RNF220: variants seen among roughly 807,000 people sequenced by gnomAD.
The protein encoded by RNF220 is ring finger protein 220, also known as E3 ubiquitin-protein ligase RNF220.
In RNF220, 7 loss-of-function variants were observed where a neutral mutation model predicts 67.1. The observed-to-expected ratio is 0.10, with a 90% confidence interval of 0.06 to 0.20. RNF220 has a LOEUF of 0.20. RNF220 is among the 10% of genes least tolerant of loss of function. The pLI is 1.00. For missense variants in RNF220, 565 were observed against 740.3 expected (o/e 0.76, Z 2.75); for synonymous variants, 270 against 283.2 (o/e 0.95, Z 0.47).
intron 2 of RNF220, among the ~76,000 whole-genome samples, chr1:44,447,072 T>A (rs1314558895): frequency 6.6e-6 from 1 of 152,240 alleles, no homozygotes; most frequent in Non-Finnish European, 1.5e-5. Context: ...TGCTCCACAT[T>A]TTATTTCCTA....
intron 2 of RNF220, among the ~76,000 whole-genome samples, chr1:44,507,957 A>C (rs1220729558): frequency 1.3e-5 from 2 of 151,376 alleles, no homozygotes; most frequent in African/African-American, 4.9e-5. Context: ...GAGGCGATGG[A>C]GTGGTGGAGA....
chr1:44,596,953 C>T (rs561023525), intron 2 of RNF220, among the ~76,000 whole-genome samples: 1 of 152,278 alleles, frequency 6.6e-6, no homozygotes, highest in Admixed American at 6.5e-5. Flanking sequence ...AATACTATGG[C>T]TCAGCTGTGA....
At chr1:44,576,197 T>C (rs1056588342) in intron 2 of RNF220, among the ~76,000 whole-genome samples, 1 of 152,262 alleles carries the variant, frequency 6.6e-6, no homozygotes, top group Non-Finnish European at 1.5e-5. Context: ...CACATAATTT[T>C]CTTTGATCCT....
At chr1:44,614,075 C>T in intron 2 of RNF220, 90 bp from the exon 3 acceptor site, 1 of 1,558,372 alleles carries the variant, frequency 6.4e-7, no homozygotes, top group East Asian at 2.3e-5. Flanking sequence ...TAGAGGGCAG[C>T]AGCAGGCTTG....
intron 2 of RNF220, among the ~76,000 whole-genome samples, chr1:44,566,340 C>A (rs894046757): frequency 1.1e-4 from 16 of 152,076 alleles, no homozygotes; most frequent in African/African-American, 2.7e-4. Context: ...GAGGTGGGTA[C>A]CCAGGGGAGC....
At chr1:44,520,366 T>C (rs1009159065) in intron 2 of RNF220, among the ~76,000 whole-genome samples, 1 of 152,014 alleles carries the variant, frequency 6.6e-6, no homozygotes, top group African/African-American at 2.4e-5. Context: ...CTTGGGAGGC[T>C]GAGGCAGGAG....
At chr1:44,481,610 C>T (rs746172864) in intron 2 of RNF220, among the ~76,000 whole-genome samples, 1 of 152,082 alleles carries the variant, frequency 6.6e-6, no homozygotes, top group Non-Finnish European at 1.5e-5. Context: ...CACACATACA[C>T]CTATGGAACA....
intron 2 of RNF220, among the ~76,000 whole-genome samples, chr1:44,461,924 G>GTTTTTTTTTTTTTTTTTTTT (rs201661366): frequency 8.1e-6 from 1 of 123,562 alleles, no homozygotes; most frequent in Admixed American, 8.4e-5. Flanking sequence ...TTTTTTCTTT[G>GTTTTTTTTTTTTTTTTTTTT]TTTTTTTTTT....
At chr1:44,636,402 G>A (rs1042155525) in intron 8 of RNF220, 67 of 726,054 alleles carry the variant, frequency 9.2e-5, no homozygotes, top group Non-Finnish European at 1.4e-4. Flanking sequence ...AGTGACGAAG[G>A]GGGGCTCTCA....
intron 2 of RNF220, among the ~76,000 whole-genome samples, chr1:44,473,035 G>A (rs1227647416): frequency 1.3e-5 from 2 of 152,176 alleles, no homozygotes; most frequent in Non-Finnish European, 2.9e-5. Context: ...TTCCTGGGCT[G>A]TGAGGTGTGT....
At chr1:44,628,227 G>A (rs1313196683) in intron 5 of RNF220, among the ~76,000 whole-genome samples, 1 of 152,230 alleles carries the variant, frequency 6.6e-6, no homozygotes, top group African/African-American at 2.4e-5. Context: ...CACGGCATGC[G>A]CCTTGCCATC....
At chr1:44,527,865 G>A (rs781788) in intron 2 of RNF220, among the ~76,000 whole-genome samples, 60,988 of 140,762 alleles carry the variant, frequency 0.43, 12,925 homozygotes, top group Middle Eastern at 0.63. Context: ...GATGAAGATT[G>A]CAGCGAGCCG....
At chr1:44,623,994 A>C (rs929654253) in intron 4 of RNF220, among the ~76,000 whole-genome samples, 2 of 152,228 alleles carry the variant, frequency 1.3e-5, no homozygotes, top group African/African-American at 4.8e-5. Context: ...GGTAGACCCA[A>C]ATACCCTGCA....
intron 2 of RNF220, among the ~76,000 whole-genome samples, chr1:44,583,395 C>A (rs949328717): frequency 1.7e-4 from 26 of 152,104 alleles, no homozygotes; most frequent in African/African-American, 6.0e-4. Context: ...CTCACTTCTC[C>A]CACTGACAAT....
chr1:44,548,928 G>C (rs1662395007), intron 2 of RNF220, among the ~76,000 whole-genome samples: 1 of 152,206 alleles, frequency 6.6e-6, no homozygotes, highest in Non-Finnish European at 1.5e-5. Context: ...GGCCGGGCGT[G>C]GTGGCTTATG....
At chr1:44,602,230 T>C (rs1666971654) in intron 2 of RNF220, among the ~76,000 whole-genome samples, 1 of 151,754 alleles carries the variant, frequency 6.6e-6, no homozygotes, top group Non-Finnish European at 1.5e-5. Flanking sequence ...AAGTCCTGGG[T>C]GAGTGTAGAG....
In RNF220 at chr1:44,622,997, G is replaced by A. The variant is rs1181426927; in HGVS notation, c.804+210G>A. Among the ~76,000 whole-genome samples, 1 of 152,190 alleles carries A rather than the reference G, an allele frequency of 6.6e-6. No individual in the cohort carries two copies. The highest frequency in any genetic ancestry group is 1.5e-5 in the Non-Finnish European group (1 of 68,034). ...AAGTGTGTGTGGTCTGTGCATGAGT[G>A]AGAGTATGCTCATCTGACTTCCTCC... On this transcript the variant is annotated intron_variant, in intron 4 of 14. Coordinates refer to ENST00000361799, the MANE Select transcript of RNF220 (RefSeq NM_018150.4). This position sits in a 1 kb window ranked among gnomAD's most constrained non-coding sequence, Gnocchi z 4.3.
chr1:44,631,832 G>A (rs867611065), intron 5 of RNF220: 3 of 881,366 alleles, frequency 3.4e-6, no homozygotes, highest in South Asian at 5.2e-5. Flanking sequence ...CTTCACGGGC[G>A]GTGGGAGGGA....
intron 2 of RNF220, among the ~76,000 whole-genome samples, chr1:44,453,066 T>C (rs1652848736): frequency 6.6e-6 from 1 of 152,224 alleles, no homozygotes; most frequent in South Asian, 2.1e-4. Context: ...TAGTTGCATG[T>C]ATTTTACAGT....
Sources: allele counts gnomAD v4.1 joint callset (sites outside exome capture counted in the v4.1 genomes callset), GRCh38; gene constraint gnomAD v4.1.1; non-coding constraint Gnocchi (gnomAD v3.1); transcripts MANE v1.5; gene names NCBI Gene and HGNC (gene_info 2026-07-23, HGNC 2026-07-21).